The following HCRTR2 variants were observed in gnomAD, a reference collection of about 807,000 sequenced individuals.
The protein encoded by HCRTR2 is hypocretin receptor 2, also known as orexin receptor type 2.
A neutral mutation model predicts 49.0 loss-of-function variants in HCRTR2; 22 were observed. The observed-to-expected ratio is 0.45, with a 90% CI of 0.32 to 0.64. The LOEUF is 0.64. Among genes scored for constraint, HCRTR2 ranks in the 30% least tolerant of loss-of-function variants. The pLI, the probability that HCRTR2 is intolerant of heterozygous loss-of-function variation, is 0.04. For synonymous variants in HCRTR2, 236 were observed against 205.3 expected (o/e 1.15, Z -1.28); for missense variants, 491 against 559.4 (o/e 0.88, Z 1.23).
intron 4 of HCRTR2, among the ~76,000 whole-genome samples, chr6:55,268,932 T>G (rs1766915242): frequency 6.6e-6 from 1 of 150,788 alleles, no homozygotes; most frequent in Non-Finnish European, 1.5e-5. Context: ...CTACTAAAGA[T>G]ACAAAAAATT....
At chr6:55,240,790 C>G in intron 1 of HCRTR2, 1 of 425,550 alleles carries the variant, frequency 2.3e-6, no homozygotes, top group Non-Finnish European at 4.8e-6. Flanking sequence ...CATTCCATGA[C>G]CTGTTTCAAG....
At chr6:55,174,480 G>T, upstream of HCRTR2, 1 of 924,340 alleles carries the variant, frequency 1.1e-6, no homozygotes, top group Non-Finnish European at 1.8e-6. Context: ...CTGCTCGGGA[G>T]CCCCTTCTAG....
intron 1 of HCRTR2, among the ~76,000 whole-genome samples, chr6:55,189,884 T>C (rs1302571310): frequency 6.6e-6 from 1 of 152,140 alleles, no homozygotes; most frequent in Non-Finnish European, 1.5e-5. Flanking sequence ...ATATCAACTG[T>C]AGTGTATAGA....
At chr6:55,213,082 AAG>A (rs149749358) in intron 1 of HCRTR2, among the ~76,000 whole-genome samples, 1 of 151,958 alleles carries the variant, frequency 6.6e-6, no homozygotes. Flanking sequence ...AAAAAAGAGG[AAG>A]AGAGAGAGCA....
intron 5 of HCRTR2, among the ~76,000 whole-genome samples, chr6:55,279,303 C>T (rs1767141782): frequency 6.6e-6 from 1 of 151,674 alleles, no homozygotes; most frequent in South Asian, 2.1e-4. Context: ...AACTTTTTGC[C>T]GAATTAGTCA....
chr6:55,157,884 C>A (rs1448102357), intron 1 of HCRTR2, among the ~76,000 whole-genome samples: 6 of 152,170 alleles, frequency 3.9e-5, no homozygotes, highest in African/African-American at 1.4e-4. Context: ...CCATTTGATA[C>A]CTGAAAAGCT....
intron 1 of HCRTR2, among the ~76,000 whole-genome samples, chr6:55,121,789 C>A (rs917576401): frequency 2.6e-5 from 4 of 152,246 alleles, no homozygotes; most frequent in Middle Eastern, 3.4e-3. Flanking sequence ...GTTGAACCAG[C>A]CTTGCATCCC....
intron 1 of HCRTR2, among the ~76,000 whole-genome samples, chr6:55,161,105 C>T (rs963269652): frequency 1.3e-5 from 2 of 151,906 alleles, no homozygotes; most frequent in African/African-American, 2.4e-5. Context: ...TCAGCAAATG[C>T]CAAAGAACTA....
In HCRTR2 at chr6:55,174,633, T is replaced by G. The variant is rs756105173; in HGVS notation, c.46T>G (p.Ser16Ala). 6.2e-7 allele frequency: 1 copy of G among 1,613,870 alleles called. No individual in the cohort carries two copies. The highest frequency in any genetic ancestry group is 8.5e-7 in the Non-Finnish European group (1 of 1,180,004). The change falls in exon 1 of 7, where the codon TCA becomes GCA. Residue 16 changes from serine (S) to alanine (A), a missense_variant. Ser to Ala is a moderately conservative substitution (Grantham distance 99, BLOSUM62 1). Transcript: ENST00000370862. ...GGACTCCCCCCCTTGTCGCAACTGG[T>G]CATCTGCTTCGGAGCTGAATGAAAC... The part of the protein sequence containing the change: ...LEDSPPCRNW[S>A]SASELNETQE...
In HCRTR2 at chr6:55,208,565, C is replaced by T. The variant is rs191231041; in HGVS notation, c.223+33755C>T. Among the ~76,000 whole-genome samples, 276 of 151,712 alleles carry T rather than the reference C, an allele frequency of 1.8e-3. 1 individual carries two copies. Among genetic ancestry groups the T allele is most frequent in the Non-Finnish European group, 3.0e-3 (206 of 67,908 alleles). On this transcript the variant is annotated intron_variant, in intron 1 of 6. Transcript: ENST00000370862. The stretch of plus-strand genomic sequence containing the variant: ...TCACTGATGATTAAATTTAATCCTG[C>T]AAGATTATGTCTTTTGATGGAAATG...
chr6:55,271,711 G>C (rs910721663), intron 4 of HCRTR2, among the ~76,000 whole-genome samples: 1 of 152,014 alleles, frequency 6.6e-6, no homozygotes, highest in Non-Finnish European at 1.5e-5. Context: ...AGTAGGCAAA[G>C]ACTTGAATAA....
intron 1 of HCRTR2, among the ~76,000 whole-genome samples, chr6:55,107,986 G>A (rs1333222040): frequency 1.3e-5 from 2 of 151,826 alleles, no homozygotes; most frequent in Non-Finnish European, 2.9e-5. Context: ...CATACTTTTG[G>A]TTGAAAATAT....
At chr6:55,125,883 C>G (rs1764268293) in intron 1 of HCRTR2, among the ~76,000 whole-genome samples, 1 of 151,844 alleles carries the variant, frequency 6.6e-6, no homozygotes, top group Non-Finnish European at 1.5e-5. Flanking sequence ...ATCAATGGTA[C>G]CCTTTCTTCC....
chr6:55,224,587 A>C (rs969109770), intron 1 of HCRTR2, among the ~76,000 whole-genome samples: 3 of 151,974 alleles, frequency 2.0e-5, no homozygotes, highest in East Asian at 3.9e-4. Context: ...TGTGCCACTG[A>C]ACTCCAGCCT....
At chr6:55,129,874 A>G (rs1764330581) in intron 1 of HCRTR2, among the ~76,000 whole-genome samples, 1 of 151,970 alleles carries the variant, frequency 6.6e-6, no homozygotes, top group African/African-American at 2.4e-5. Context: ...CTTTGAGAAT[A>G]AGTTCTCTTT....
chr6:55,224,824 G>A (rs1001881210), intron 1 of HCRTR2, among the ~76,000 whole-genome samples: 2 of 152,106 alleles, frequency 1.3e-5, no homozygotes, highest in East Asian at 1.9e-4. Context: ...TGGAAATATA[G>A]AGTAGAATGG....
intron 1 of HCRTR2, among the ~76,000 whole-genome samples, chr6:55,162,708 A>C (rs1034853190): frequency 2.0e-5 from 3 of 152,206 alleles, no homozygotes; most frequent in Non-Finnish European, 4.4e-5. Flanking sequence ...ACAAACAGAG[A>C]GCCAAATCAT....
At chr6:55,186,870 C>G (rs1765224169) in intron 1 of HCRTR2, among the ~76,000 whole-genome samples, 1 of 152,156 alleles carries the variant, frequency 6.6e-6, no homozygotes, top group African/African-American at 2.4e-5. Flanking sequence ...CTCTGTCATT[C>G]TTTTCCATTG....
chr6:55,200,041 A>G (rs1160026069), intron 1 of HCRTR2, among the ~76,000 whole-genome samples: 1 of 152,210 alleles, frequency 6.6e-6, no homozygotes, highest in Non-Finnish European at 1.5e-5. Flanking sequence ...CTGCCCAAGT[A>G]AATATTGCCA....
Sources: gnomAD v4.1 joint callset for allele counts (sites outside exome capture counted in the v4.1 genomes callset) on GRCh38, gnomAD v4.1.1 for gene constraint, MANE v1.5 for transcripts, NCBI Gene and HGNC (gene_info 2026-07-23, HGNC 2026-07-21) for gene names.